Variants in PIK3C2B observed in about 807,000 individuals in gnomAD.
PIK3C2B encodes the protein phosphatidylinositol-4-phosphate 3-kinase catalytic subunit type 2 beta.
Under a neutral mutation model 184.3 loss-of-function variants are expected in PIK3C2B, and 83 were observed. That is an observed-to-expected ratio of 0.45 (90% CI 0.38 to 0.54). The LOEUF (loss-of-function observed/expected upper bound fraction) is 0.54, where lower values mean the gene tolerates loss of function less well. Ranked by LOEUF, PIK3C2B falls within the 20% of genes least tolerant of loss-of-function variation. PIK3C2B has a pLI of 0.00. For synonymous variants in PIK3C2B, 779 were observed against 837.6 expected, an observed-to-expected ratio of 0.93 and a Z score of 1.21; for missense variants, 1,736 against 2,113.5, an observed-to-expected ratio of 0.82 and a Z score of 3.50.
Position 204,427,735 on chromosome 1 carries a change from G to A in PIK3C2B, c.4500C>T (p.Pro1500=), listed in dbSNP as rs367758514. 8.7e-6 allele frequency: 14 copies of A among 1,613,566 alleles called. No homozygotes were observed. Among genetic ancestry groups the A allele is most frequent in the South Asian group, 2.2e-5 (2 of 91,080 alleles). ...PKSSDGTWAR[P]VGKVGGEVKL... The stretch of plus-strand genomic sequence containing the variant: ...TCACCTCCCCTCCCACCTTTCCGAC[G>A]GGCCGGGCCCATGTGCCATCTGTAG... The change falls in exon 31 of 33, where the codon CCC becomes CCT. Residue 1500 remains proline (P), a synonymous_variant. Transcript: ENST00000684373.
chr1:204,454,334 T>C (rs1431197716), intron 12 of PIK3C2B, among the ~76,000 whole-genome samples: 1 of 151,466 alleles, frequency 6.6e-6, no homozygotes, highest in African/African-American at 2.4e-5. Flanking sequence ...TACAAAAAAT[T>C]AGCTGGGCGT....
At chr1:204,428,946 G>A (rs777177742) in intron 29 of PIK3C2B, 10 of 454,248 alleles carry the variant, frequency 2.2e-5, no homozygotes, top group South Asian at 7.8e-5. Flanking sequence ...AAAACAGGCC[G>A]AGCGCAGTGG....
Position 204,443,400 on chromosome 1 carries a change from A to G in PIK3C2B, c.3048+17T>C, listed in dbSNP as rs1276897301. 1.2e-6 allele frequency: 2 copies of G among 1,608,002 alleles called. No individual in the cohort carries two copies. Among genetic ancestry groups the G allele is most frequent in the South Asian group, 1.1e-5 (1 of 90,962 alleles). ...CCCTGGATGAGAAATGGGTAGGGGC[A>G]GCCTCACCCCACTAACCTGCCTTGC... On this transcript the variant is annotated intron_variant, in intron 19 of 32. Coordinates refer to ENST00000684373, the MANE Select transcript of PIK3C2B (RefSeq NM_001377334.1).
At chr1:204,430,349 CCT>C (rs1674976642) in intron 28 of PIK3C2B, among the ~76,000 whole-genome samples, 3 of 149,758 alleles carry the variant, frequency 2.0e-5, no homozygotes, top group African/African-American at 7.3e-5. Flanking sequence ...ATGTAAAAAT[CCT>C]TTTTTTTTTT....
intron 4 of PIK3C2B, 78 bp downstream of exon 4, chr1:204,464,372 T>C (rs1655576229): frequency 3.1e-6 from 4 of 1,286,162 alleles, no homozygotes; most frequent in Non-Finnish European, 3.1e-6. Flanking sequence ...CAAGATGAGG[T>C]GGAAATCGAG....
intron 1 of PIK3C2B, among the ~76,000 whole-genome samples, chr1:204,481,144 C>G (rs1558282935): frequency 6.6e-6 from 1 of 151,766 alleles, no homozygotes; most frequent in African/African-American, 2.4e-5. Flanking sequence ...TATCCCATAC[C>G]CCTCACACCC....
At position 204,456,897 on chromosome 1, in the gene PIK3C2B, CA is replaced by C. The variant is rs1654896309; in HGVS notation, c.1747+139del. 26 of 468,586 alleles carry C rather than the reference CA, an allele frequency of 5.5e-5. 1 individual carries two copies. Among genetic ancestry groups the C allele is most frequent in the African/African-American group, 3.8e-4 (15 of 39,836 alleles). 29.0% of individuals were successfully genotyped at this position (468,586 alleles called of 1,614,324 possible). A position where few individuals can be genotyped will look rare whatever the true frequency, so the allele number is the denominator to read the frequency against. ...GAACACACACACACACACACACACA[CA>C]CACACACACCCACACACACACACAC... On this transcript the variant is annotated intron_variant, in intron 10 of 32. Coordinates refer to ENST00000684373, the MANE Select transcript of PIK3C2B (RefSeq NM_001377334.1).
intron 23 of PIK3C2B, among the ~76,000 whole-genome samples, chr1:204,437,178 T>C (rs764356441): frequency 6.6e-6 from 1 of 151,862 alleles, no homozygotes; most frequent in African/African-American, 2.4e-5. Flanking sequence ...ACAGAGGCTT[T>C]GAAGAACTTA....
intron 23 of PIK3C2B, among the ~76,000 whole-genome samples, chr1:204,438,645 A>T (rs909529103): frequency 1.3e-5 from 2 of 152,226 alleles, no homozygotes; most frequent in Admixed American, 6.5e-5. Flanking sequence ...GGAGGGATAC[A>T]GATAGGCTCT....
intron 1 of PIK3C2B, among the ~76,000 whole-genome samples, chr1:204,489,230 C>T (rs1657842108): frequency 1.3e-5 from 2 of 152,102 alleles, no homozygotes; most frequent in Non-Finnish European, 2.9e-5. Flanking sequence ...CAGAGTGGTG[C>T]AATTATAGCT....
At chr1:204,429,829 C>G in intron 29 of PIK3C2B, 92 bp downstream of exon 29, 1 of 819,836 alleles carries the variant, frequency 1.2e-6, no homozygotes, top group Non-Finnish European at 2.1e-6. Flanking sequence ...AGTCCTGTTC[C>G]TGACTCCTAG....
chr1:204,435,993 TA>T (rs1247895121), intron 23 of PIK3C2B: 1 of 152,202 alleles, frequency 6.6e-6, no homozygotes, highest in African/African-American at 2.4e-5. Context: ...CTTTCTACCT[TA>T]AATGAATCCT....
At position 204,433,308 on chromosome 1, in the gene PIK3C2B, C is replaced by A. The variant is rs578088644; in HGVS notation, c.3953+8G>T. On this transcript the variant is annotated splice_region_variant and intron_variant, in intron 26 of 32. Transcript: ENST00000684373. The surrounding 1 kb of genome is among the most constrained non-coding windows in gnomAD (Gnocchi z 5.0). ...GGCAGTGCTGATTCGCTCAGGGAAT[C>A]ATTTTACCTAGTGAAGTAGGTAGTG... is the stretch of plus-strand genomic sequence containing the variant. The A allele has an allele frequency of 2.1e-6, 3 of 1,444,928 alleles. No individual in the cohort carries two copies. In the East Asian group the frequency reaches 6.8e-5, roughly 33 times the overall value. 89.5% of individuals were successfully genotyped at this position (1,444,928 alleles called of 1,614,324 possible).
chr1:204,449,665 G>A (rs1654183049), intron 13 of PIK3C2B, among the ~76,000 whole-genome samples, 185 bp downstream of exon 13: 2 of 152,174 alleles, frequency 1.3e-5, no homozygotes, highest in Admixed American at 1.3e-4. Context: ...ACCGCTCAGT[G>A]GCTCTTGGTT....
At chr1:204,489,393 A>C (rs1165656415) in intron 1 of PIK3C2B, among the ~76,000 whole-genome samples, 1 of 152,032 alleles carries the variant, frequency 6.6e-6, no homozygotes, top group Non-Finnish European at 1.5e-5. Context: ...GCTGGTCTCA[A>C]ACTCCTTGGC....
chr1:204,431,865 G>A (rs568665212), intron 27 of PIK3C2B, 72 bp from the exon 28 acceptor site: 35 of 1,573,306 alleles, frequency 2.2e-5, no homozygotes, highest in African/African-American at 1.1e-4. Flanking sequence ...GGAAAGGTCC[G>A]GAAGTGTATG....
At chr1:204,443,269 G>A (rs1220768690) in intron 19 of PIK3C2B, 148 bp downstream of exon 19, 1 of 673,798 alleles carries the variant, frequency 1.5e-6, no homozygotes, top group Non-Finnish European at 2.5e-6. Context: ...TGGACTGCCT[G>A]TTTACGGCCT....
chr1:204,434,413 C>A (rs1025427248), intron 24 of PIK3C2B, 26 bp downstream of exon 24: 2 of 1,611,298 alleles, frequency 1.2e-6, no homozygotes, highest in Non-Finnish European at 1.7e-6. Flanking sequence ...CCTTCACTCA[C>A]AATCTGGCTT....
intron 10 of PIK3C2B, 98 bp from the exon 11 acceptor site, chr1:204,456,149 G>A: frequency 1.1e-6 from 1 of 917,936 alleles, no homozygotes. Context: ...CTAAGACAGT[G>A]GTCCCCAAAT....
Sources: gnomAD v4.1 joint callset for allele counts (sites outside exome capture counted in the v4.1 genomes callset) on GRCh38, gnomAD v4.1.1 for gene constraint, Gnocchi (gnomAD v3.1) non-coding constraint, MANE v1.5 for transcripts, NCBI Gene and HGNC (gene_info 2026-07-23, HGNC 2026-07-21) for gene names.